The following SPOCK3 variants were observed in gnomAD, a reference collection of about 807,000 sequenced individuals.
The protein encoded by SPOCK3 is SPARC (osteonectin), cwcv and kazal like domains proteoglycan 3, also known as testican-3.
In SPOCK3, 30 loss-of-function variants were observed where a neutral mutation model predicts 56.6. The ratio of observed to expected loss-of-function variants is 0.53; its 90% confidence interval spans 0.40 to 0.72. The LOEUF (loss-of-function observed/expected upper bound fraction) is 0.72. Among genes scored for constraint, SPOCK3 ranks in the 30% least tolerant of loss-of-function variants. The pLI is 0.00. For synonymous variants in SPOCK3, 196 were observed against 183.3 expected, an observed-to-expected ratio of 1.07 and a Z score of -0.56; for missense variants, 527 against 530.0, an observed-to-expected ratio of 0.99 and a Z score of 0.06.
At chr4:167,193,471 C>T (rs1239661762) in intron 2 of SPOCK3, among the ~76,000 whole-genome samples, 1 of 145,586 alleles carries the variant, frequency 6.9e-6, no homozygotes, top group African/African-American at 2.6e-5. Flanking sequence ...TATCATGCAC[C>T]AATTAATAAA....
intron 9 of SPOCK3, among the ~76,000 whole-genome samples, chr4:166,739,900 TG>T (rs1245809308): frequency 6.6e-6 from 1 of 152,172 alleles, no homozygotes; most frequent in Non-Finnish European, 1.5e-5. Flanking sequence ...ATAGCTGAAC[TG>T]CTAATCTTTC....
intron 4 of SPOCK3, among the ~76,000 whole-genome samples, chr4:166,962,766 A>G (rs1384913401): frequency 6.6e-6 from 1 of 152,032 alleles, no homozygotes; most frequent in Non-Finnish European, 1.5e-5. Context: ...GACTTATTCT[A>G]TTTTTAATCA....
chr4:166,986,381 T>A (rs773566468), intron 4 of SPOCK3, among the ~76,000 whole-genome samples: 1 of 152,088 alleles, frequency 6.6e-6, no homozygotes, highest in African/African-American at 2.4e-5. Context: ...TTAAATTCCA[T>A]ACAATTGTGA....
At chr4:167,136,391 A>G (rs1465495693) in intron 2 of SPOCK3, among the ~76,000 whole-genome samples, 1 of 152,160 alleles carries the variant, frequency 6.6e-6, no homozygotes, top group African/African-American at 2.4e-5. Context: ...GGCTGTGTAC[A>G]ACAATAACAT....
intron 8 of SPOCK3, among the ~76,000 whole-genome samples, chr4:166,742,591 T>G (rs1734999165): frequency 6.6e-6 from 1 of 152,128 alleles, no homozygotes; most frequent in Non-Finnish European, 1.5e-5. Context: ...TTTCCAGTTA[T>G]GTTAAAGACC....
intron 6 of SPOCK3, chr4:166,883,074 C>T (rs1409399269): frequency 6.6e-6 from 1 of 152,016 alleles, no homozygotes; most frequent in Non-Finnish European, 1.5e-5. Flanking sequence ...AAAATCCATT[C>T]CATAATTCAG....
intron 4 of SPOCK3, among the ~76,000 whole-genome samples, chr4:166,973,048 C>T (rs1745559441): frequency 6.6e-6 from 1 of 152,086 alleles, no homozygotes. Flanking sequence ...TTGTAATCCC[C>T]AGATGTTAAG....
chr4:166,741,956 T>C (rs750480439), intron 9 of SPOCK3, 41 bp downstream of exon 9: 19 of 1,369,834 alleles, frequency 1.4e-5, no homozygotes, highest in Non-Finnish European at 1.8e-5. Flanking sequence ...GGGTTATTTA[T>C]GTAAGCAATA....
At chr4:167,234,329 T>C in intron 1 of SPOCK3, 121 bp downstream of exon 1, 1 of 720,518 alleles carries the variant, frequency 1.4e-6, no homozygotes, top group Non-Finnish European at 2.3e-6. Context: ...CCCGCAGGCT[T>C]TACCCCCAAA....
At chr4:166,787,336 T>C (rs752877315) in intron 7 of SPOCK3, among the ~76,000 whole-genome samples, 2 of 152,170 alleles carry the variant, frequency 1.3e-5, no homozygotes, top group Non-Finnish European at 2.9e-5. Flanking sequence ...GTGATTTGGC[T>C]CTCTCTTGCA....
chr4:166,867,708 A>G (rs548606068), intron 6 of SPOCK3, among the ~76,000 whole-genome samples: 15 of 151,684 alleles, frequency 9.9e-5, no homozygotes, highest in African/African-American at 3.1e-4. Flanking sequence ...TAAAATAATT[A>G]TATTTAGGCA....
intron 2 of SPOCK3, among the ~76,000 whole-genome samples, chr4:167,106,982 A>G (rs749459562): frequency 1.1e-4 from 17 of 151,956 alleles, no homozygotes; most frequent in Non-Finnish European, 2.2e-4. Context: ...GAACAGACCA[A>G]TAACAACTAA....
At chr4:167,113,433 G>A (rs1761075189) in intron 2 of SPOCK3, among the ~76,000 whole-genome samples, 2 of 151,062 alleles carry the variant, frequency 1.3e-5, no homozygotes, top group Non-Finnish European at 2.9e-5. Context: ...ACACAAGTTT[G>A]CATAAGTAAA....
chr4:167,182,959 T>C (rs930861620), intron 2 of SPOCK3, among the ~76,000 whole-genome samples: 5 of 152,178 alleles, frequency 3.3e-5, no homozygotes, highest in Non-Finnish European at 7.3e-5. Context: ...CCCTTAACTT[T>C]GCATCCTGCC....
chr4:166,913,833 A>G (rs1339694850), intron 4 of SPOCK3, among the ~76,000 whole-genome samples: 1 of 152,086 alleles, frequency 6.6e-6, no homozygotes, highest in Admixed American at 6.6e-5. Flanking sequence ...AGTTCCAAAT[A>G]CGTTCTCTTT....
chr4:167,167,240 A>C (rs1174842514), intron 2 of SPOCK3, among the ~76,000 whole-genome samples: 1 of 152,168 alleles, frequency 6.6e-6, no homozygotes, highest in East Asian at 1.9e-4. Flanking sequence ...CAGTATTGAT[A>C]TTTGAATTTT....
intron 3 of SPOCK3, among the ~76,000 whole-genome samples, chr4:167,045,699 T>A (rs1167204046): frequency 6.6e-6 from 1 of 152,142 alleles, no homozygotes; most frequent in South Asian, 2.1e-4. Flanking sequence ...CTTACAATAA[T>A]AAAATATTTA....
At chr4:167,146,362 G>T (rs1580431116) in intron 2 of SPOCK3, among the ~76,000 whole-genome samples, 1 of 152,118 alleles carries the variant, frequency 6.6e-6, no homozygotes, top group South Asian at 2.1e-4. Flanking sequence ...AAGAACTGTG[G>T]GAGACTTTAA....
intron 4 of SPOCK3, among the ~76,000 whole-genome samples, chr4:166,921,024 C>G (rs1324860434): frequency 6.6e-6 from 1 of 152,096 alleles, no homozygotes; most frequent in African/African-American, 2.4e-5. Context: ...TGCCTTTCTC[C>G]TAGCTTACTG....
Sources: allele counts gnomAD v4.1 joint callset (sites outside exome capture counted in the v4.1 genomes callset), GRCh38; gene constraint gnomAD v4.1.1; transcripts MANE v1.5; gene names NCBI Gene and HGNC (gene_info 2026-07-23, HGNC 2026-07-21).